Variants in FSD2 observed in about 807,000 individuals in gnomAD.
FSD2 encodes fibronectin type III and SPRY domain-containing protein 2.
FSD2 carries 71 observed loss-of-function variants against 80.4 expected under a neutral mutation model. That is an observed-to-expected ratio of 0.88 (90% CI 0.73 to 1.08). The LOEUF is 1.08. Among genes scored for constraint, FSD2 ranks in the 50% least tolerant of loss-of-function variants. The pLI is 0.00. For missense variants in FSD2, 923 were observed against 913.8 expected (o/e 1.01, Z -0.13); for synonymous variants, 361 against 329.5 (o/e 1.10, Z -1.03).
chr15:82,772,631 G>T (rs2049610782), intron 6 of FSD2, among the ~76,000 whole-genome samples: 1 of 152,206 alleles, frequency 6.6e-6, no homozygotes, highest in Admixed American at 6.5e-5. Flanking sequence ...TTCATTGATG[G>T]TATGGGGAAA....
intron 9 of FSD2, among the ~76,000 whole-genome samples, chr15:82,768,594 T>TTGAA (rs3047206): frequency 0.32 from 48,781 of 151,076 alleles, 7,910 homozygotes; most frequent in African/African-American, 0.37. Flanking sequence ...TCAATGCATG[T>TTGAA]TGAATGAATG....
At chr15:82,782,104 T>TAATAAA (rs749972634) in intron 4 of FSD2, among the ~76,000 whole-genome samples, 2,874 of 118,752 alleles carry the variant, frequency 0.024, 46 homozygotes, top group East Asian at 0.062. Context: ...ATAATAATAA[T>TAATAAA]AAAACTCTTG....
intron 1 of FSD2, among the ~76,000 whole-genome samples, chr15:82,804,205 G>A (rs2050477853): frequency 6.6e-6 from 1 of 151,970 alleles, no homozygotes; most frequent in Non-Finnish European, 1.5e-5. Flanking sequence ...GATGATGAAA[G>A]AAGGCACCAA....
In FSD2 at chr15:82,764,492, C is replaced by CTTTTTTTTTTTTTTTTTTTT. The variant is rs60095355; in HGVS notation, c.1820+654_1820+673dup. 9.1e-3 allele frequency among the ~76,000 whole-genome samples: 783 copies of CTTTTTTTTTTTTTTTTTTTT among 86,060 alleles called. 108 individuals carry two copies. Among genetic ancestry groups the CTTTTTTTTTTTTTTTTTTTT allele is most frequent in the African/African-American group, 0.011 (230 of 20,824 alleles). The allele number at this position is 86,060 out of a possible 152,430, so 56.5% of individuals were successfully genotyped here. On this transcript the variant is annotated intron_variant, in intron 11 of 12. Transcript: ENST00000334574. The stretch of plus-strand genomic sequence containing the variant: ...CTCTTGTTGCTTCATTCTTTACTTG[C>CTTTTTTTTTTTTTTTTTTTT]TTTTTTTTTTTTTTTTTTTTGAGAA...
At chr15:82,781,930 G>A (rs534987411) in intron 4 of FSD2, among the ~76,000 whole-genome samples, 1 of 151,596 alleles carries the variant, frequency 6.6e-6, no homozygotes, top group South Asian at 2.1e-4. Flanking sequence ...TGGGCGTGGT[G>A]GCGGGTGCCT....
rs756450846 is a variant in FSD2 at position 82,768,873 on chromosome 15, GACTC to G, written c.1553+3_1553+6del. The G allele has an allele frequency of 6.1e-5, 93 of 1,517,288 alleles. No homozygotes were observed. The highest frequency in any genetic ancestry group is 7.8e-5 in the Non-Finnish European group (88 of 1,133,782). The allele number at this position is 1,517,288 out of a possible 1,614,324, so 94.0% of individuals were successfully genotyped here. A position where few individuals can be genotyped will look rare whatever the true frequency, so the allele number is the denominator to read the frequency against. ...TCTCGTGCCCAGCAAATGCCCTCAT[GACTC>G]ACTCAGTTACACCCGAGGCTTCTGG... On this transcript the variant is annotated splice_donor_5th_base_variant and intron_variant, in intron 9 of 12. Transcript: ENST00000334574.
At chr15:82,788,172 C>T (rs940310555) in intron 1 of FSD2, among the ~76,000 whole-genome samples, 1 of 151,882 alleles carries the variant, frequency 6.6e-6, no homozygotes, top group Non-Finnish European at 1.5e-5. Flanking sequence ...AGCACCTGCA[C>T]AAAAACATTT....
chr15:82,768,311 C>T (rs1416403688), intron 9 of FSD2, among the ~76,000 whole-genome samples: 54 of 152,266 alleles, frequency 3.5e-4, no homozygotes, highest in Admixed American at 3.5e-3. Flanking sequence ...CCCCCCGAAG[C>T]ACCCCTGCAT....
chr15:82,788,359 C>A (rs968806949), intron 1 of FSD2, among the ~76,000 whole-genome samples: 2 of 144,946 alleles, frequency 1.4e-5, no homozygotes, highest in Non-Finnish European at 3.0e-5. Context: ...AAAAAAAATG[C>A]CAGGCATAGT....
At chr15:82,794,895 T>G (rs1035107676) in intron 1 of FSD2, among the ~76,000 whole-genome samples, 1 of 152,044 alleles carries the variant, frequency 6.6e-6, no homozygotes, top group African/African-American at 2.4e-5. Context: ...TGGCTAATTT[T>G]TTGTATTTTT....
intron 3 of FSD2, among the ~76,000 whole-genome samples, chr15:82,786,034 A>C (rs913494304): frequency 2.6e-5 from 4 of 152,202 alleles, no homozygotes; most frequent in South Asian, 2.1e-4. Flanking sequence ...TGTTAGAATA[A>C]GGGTCTATCA....
intron 1 of FSD2, among the ~76,000 whole-genome samples, chr15:82,796,671 C>T (rs1165068611): frequency 6.6e-6 from 1 of 152,172 alleles, no homozygotes; most frequent in Non-Finnish European, 1.5e-5. Context: ...ATAAACTTTC[C>T]ACCCAGCTTT....
chr15:82,793,340 G>A (rs184294818), intron 1 of FSD2, among the ~76,000 whole-genome samples: 8 of 151,116 alleles, frequency 5.3e-5, no homozygotes, highest in African/African-American at 9.7e-5. Flanking sequence ...TTTTTTTCAC[G>A]TCAAGAAATA....
In FSD2 at chr15:82,759,554, T is replaced by TTCTTA. The variant is rs771384438; in HGVS notation, c.2039_2043dup (p.Ile682Ter). 13 of 1,603,652 alleles carry TTCTTA rather than the reference T, an allele frequency of 8.1e-6. No homozygotes were observed. In the South Asian group the frequency reaches 1.5e-4, roughly 18 times the overall value. ...CCAATCTTCTTTGGTGGAACTGTTA[T>TTCTTA]TCTTATATCTGGAGTTGTTCTGTTG... On this transcript the variant is annotated stop_gained and frameshift_variant, in exon 13 of 13. Transcript: ENST00000334574. LOFTEE classifies it high-confidence loss of function.
chr15:82,786,718 T>G (rs1011609776), intron 2 of FSD2, 34 bp downstream of exon 2: 1 of 1,610,094 alleles, frequency 6.2e-7, no homozygotes, highest in Non-Finnish European at 8.5e-7. Flanking sequence ...CAAAGCAATA[T>G]CAAGACAGAG....
intron 7 of FSD2, 49 bp from the exon 8 acceptor site, chr15:82,769,933 G>A (rs1378040568): frequency 6.2e-7 from 1 of 1,605,916 alleles, no homozygotes; most frequent in Admixed American, 1.7e-5. Context: ...TGGCCAAGTG[G>A]CTCCAATTCA....
intron 1 of FSD2, among the ~76,000 whole-genome samples, chr15:82,803,686 C>A (rs1388010379): frequency 6.6e-6 from 1 of 152,130 alleles, no homozygotes; most frequent in African/African-American, 2.4e-5. Flanking sequence ...CAGCACCAAA[C>A]CAGAGACCAG....
At chr15:82,792,883 T>G (rs1192425261) in intron 1 of FSD2, among the ~76,000 whole-genome samples, 2 of 152,234 alleles carry the variant, frequency 1.3e-5, no homozygotes, top group East Asian at 3.8e-4. Context: ...AATATTGGCC[T>G]GTAGTTTTGG....
intron 1 of FSD2, among the ~76,000 whole-genome samples, chr15:82,802,373 C>CA (rs2050435832): frequency 6.6e-6 from 1 of 152,172 alleles, no homozygotes; most frequent in Non-Finnish European, 1.5e-5. Flanking sequence ...GCTATGGAAA[C>CA]ACCACTTTGC....
Sources: gnomAD v4.1 joint callset for allele counts (sites outside exome capture counted in the v4.1 genomes callset) on GRCh38, gnomAD v4.1.1 for gene constraint, MANE v1.5 for transcripts, NCBI Gene and HGNC (gene_info 2026-07-23, HGNC 2026-07-21) for gene names.